Variants in RPAP2 observed in about 807,000 individuals in gnomAD.
RPAP2 encodes putative RNA polymerase II subunit B1 CTD phosphatase RPAP2.
A neutral mutation model predicts 73.1 loss-of-function variants in RPAP2; 52 were observed. The observed-to-expected ratio is 0.71, with a 90% CI of 0.57 to 0.90. The LOEUF (loss-of-function observed/expected upper bound fraction) is 0.90. Ranked by LOEUF, RPAP2 falls within the 40% of genes least tolerant of loss-of-function variation. The pLI, the probability that RPAP2 is intolerant of heterozygous loss-of-function variation, is 0.00. For missense variants in RPAP2, 598 were observed against 701.8 expected, an observed-to-expected ratio of 0.85 and a Z score of 1.67; for synonymous variants, 225 against 242.1, an observed-to-expected ratio of 0.93 and a Z score of 0.65.
Position 92,393,948 on chromosome 1 carries a change from C to A in RPAP2, c.*6937C>A, listed in dbSNP as rs762614687. 3 of 152,136 alleles carry A rather than the reference C, an allele frequency of 2.0e-5. No homozygotes were observed. Among genetic ancestry groups the A allele is most frequent in the African/African-American group, 4.8e-5 (2 of 41,428 alleles). 9.4% of individuals were successfully genotyped at this position (152,136 alleles called of 1,614,324 possible). On this transcript the variant is annotated 3_prime_UTR_variant, in exon 13 of 13. Coordinates refer to ENST00000610020, the MANE Select transcript of RPAP2 (RefSeq NM_024813.3). ...CCTCAAGGATCTAGAACTGGAAATA[C>A]CATTTGACCCAGCAATCCCACTATT...
intron 1 of RPAP2, 61 bp downstream of exon 1, chr1:92,299,207 A>G: frequency 9.2e-7 from 1 of 1,083,852 alleles, no homozygotes; most frequent in Non-Finnish European, 1.3e-6. Flanking sequence ...ATCTCGAGTT[A>G]TAGACCGCAG....
In RPAP2 at chr1:92,387,087, G is replaced by A; in HGVS notation, c.*76G>A. 2 of 1,420,188 alleles carry A rather than the reference G, an allele frequency of 1.4e-6. No individual in the cohort carries two copies. Among genetic ancestry groups the A allele is most frequent in the Non-Finnish European group, 1.9e-6 (2 of 1,035,066 alleles). 88.0% of individuals were successfully genotyped at this position (1,420,188 alleles called of 1,614,324 possible). ...GAATTCTAGCCGCCATGATGGTCTG[G>A]TGGTGACTGATAACTAGTTTTATTC... is the stretch of plus-strand genomic sequence containing the variant. On this transcript the variant is annotated 3_prime_UTR_variant, in exon 13 of 13. Transcript: ENST00000610020.
intron 3 of RPAP2, among the ~76,000 whole-genome samples, chr1:92,302,078 C>T (rs1203233146): frequency 2.6e-5 from 4 of 152,042 alleles, no homozygotes; most frequent in African/African-American, 7.2e-5. Context: ...GTCAGGAGTT[C>T]GAGACCAGCC....
intron 2 of RPAP2, among the ~76,000 whole-genome samples, chr1:92,300,466 A>G (rs1252206445): frequency 2.0e-5 from 3 of 152,144 alleles, no homozygotes; most frequent in Non-Finnish European, 4.4e-5. Context: ...TGAAGGAATG[A>G]GTGTCTGTAG....
At chr1:92,334,323 T>G (rs2101234192) in intron 9 of RPAP2, among the ~76,000 whole-genome samples, 1 of 152,338 alleles carries the variant, frequency 6.6e-6, no homozygotes, top group South Asian at 2.1e-4. Context: ...AGACCTTTTT[T>G]GGTTTTTTAT....
intron 6 of RPAP2, among the ~76,000 whole-genome samples, chr1:92,310,537 A>G (rs566399716): frequency 1.9e-3 from 285 of 152,302 alleles, no homozygotes; most frequent in African/African-American, 6.4e-3. Flanking sequence ...TTAGCTTACA[A>G]TGAGTCATGA....
At chr1:92,333,196 C>T in intron 8 of RPAP2, 195 bp from the exon 9 acceptor site, 1 of 524,370 alleles carries the variant, frequency 1.9e-6, no homozygotes, top group Non-Finnish European at 3.4e-6. Context: ...CCAAAGAGGG[C>T]AAATGACTCA....
chr1:92,343,133 AGT>A, intron 10 of RPAP2, among the ~76,000 whole-genome samples: 1 of 152,334 alleles, frequency 6.6e-6, no homozygotes, highest in East Asian at 1.9e-4. Flanking sequence ...GGGACACTCC[AGT>A]ATTAAAAGGT....
At chr1:92,333,021 T>G (rs373345382) in intron 8 of RPAP2, among the ~76,000 whole-genome samples, 88 of 152,280 alleles carry the variant, frequency 5.8e-4, no homozygotes, top group African/African-American at 2.1e-3. Context: ...AATGACATAA[T>G]GACTGAACTC....
At chr1:92,317,275 G>A (rs891216737) in intron 6 of RPAP2, among the ~76,000 whole-genome samples, 6 of 152,232 alleles carry the variant, frequency 3.9e-5, no homozygotes, top group African/African-American at 1.4e-4. Context: ...TTGGGAGGCC[G>A]AGGCGGGTGA....
chr1:92,373,742 A>C (rs1655261448), intron 11 of RPAP2, among the ~76,000 whole-genome samples: 1 of 109,464 alleles, frequency 9.1e-6, no homozygotes, highest in Non-Finnish European at 1.6e-5. Flanking sequence ...CTAAAAATAA[A>C]AAAAAAAAAA....
intron 11 of RPAP2, among the ~76,000 whole-genome samples, chr1:92,379,160 C>T (rs576140531): frequency 1.3e-5 from 2 of 152,338 alleles, no homozygotes; most frequent in East Asian, 1.9e-4. Context: ...AAAACACTTA[C>T]ATTTCACACT....
chr1:92,313,086 C>T (rs546651863), intron 6 of RPAP2, among the ~76,000 whole-genome samples: 5 of 152,180 alleles, frequency 3.3e-5, no homozygotes, highest in African/African-American at 7.2e-5. Context: ...AGGCTGGTCT[C>T]GAACTCCTGG....
chr1:92,303,665 G>A (rs1651018309), intron 3 of RPAP2, among the ~76,000 whole-genome samples: 1 of 152,064 alleles, frequency 6.6e-6, no homozygotes, highest in African/African-American at 2.4e-5. Flanking sequence ...CATTTAGCTT[G>A]TGTATAGCTA....
intron 10 of RPAP2, among the ~76,000 whole-genome samples, chr1:92,338,959 C>T (rs867985285): frequency 6.6e-6 from 1 of 152,066 alleles, no homozygotes; most frequent in South Asian, 2.1e-4. Context: ...GCAGACAACA[C>T]TTATTTAATC....
intron 8 of RPAP2, among the ~76,000 whole-genome samples, chr1:92,330,310 G>A (rs755735593): frequency 6.6e-6 from 1 of 152,066 alleles, no homozygotes; most frequent in Non-Finnish European, 1.5e-5. Context: ...TAATCATTTG[G>A]TAAAACAAGT....
chr1:92,330,351 T>C (rs1443384779), intron 8 of RPAP2, among the ~76,000 whole-genome samples: 1 of 152,122 alleles, frequency 6.6e-6, no homozygotes, highest in Non-Finnish European at 1.5e-5. Flanking sequence ...TCTGGAAGAA[T>C]GTGTCTAAAA....
intron 11 of RPAP2, among the ~76,000 whole-genome samples, chr1:92,378,464 C>T (rs781140108): frequency 6.6e-6 from 1 of 152,146 alleles, no homozygotes; most frequent in Admixed American, 6.6e-5. Flanking sequence ...CCGCCCACCT[C>T]GGCCTCCCAA....
chr1:92,308,013 C>T (rs72958786), intron 6 of RPAP2, among the ~76,000 whole-genome samples: 7,350 of 151,810 alleles, frequency 0.048, 609 homozygotes, highest in African/African-American at 0.17. Context: ...TAAGGTAGGA[C>T]CTATGCTAAA....
Sources: gnomAD v4.1 joint callset for allele counts (sites outside exome capture counted in the v4.1 genomes callset) on GRCh38, gnomAD v4.1.1 for gene constraint, MANE v1.5 for transcripts, NCBI Gene and HGNC (gene_info 2026-07-23, HGNC 2026-07-21) for gene names.